The following HLCS variants were observed in gnomAD, a reference collection of about 807,000 sequenced individuals.
HLCS encodes the protein biotin--protein ligase.
A neutral mutation model predicts 75.0 loss-of-function variants in HLCS; 53 were observed. The observed-to-expected ratio is 0.71, with a 90% CI of 0.57 to 0.89. The LOEUF (loss-of-function observed/expected upper bound fraction) is 0.89. Ranked by LOEUF, HLCS falls within the 40% of genes least tolerant of loss-of-function variation. The probability of loss-of-function intolerance (pLI) is 0.00; values close to 1 mark genes in which losing one functional copy is unlikely to be tolerated. For synonymous variants in HLCS, 431 were observed against 428.6 expected, an observed-to-expected ratio of 1.01 and a Z score of -0.07; for missense variants, 966 against 1,074.0, an observed-to-expected ratio of 0.90 and a Z score of 1.41.
intron 6 of HLCS, among the ~76,000 whole-genome samples, chr21:36,868,056 C>T (rs2063619736): frequency 6.6e-6 from 1 of 151,882 alleles, no homozygotes; most frequent in African/African-American, 2.4e-5. Context: ...GAGGCTGAGG[C>T]AGGAGAATCG....
chr21:36,804,248 A>T (rs1601324185), intron 6 of HLCS: 1 of 152,338 alleles, frequency 6.6e-6, no homozygotes, highest in Non-Finnish European at 1.5e-5. Context: ...AGGTACGGTA[A>T]CTGCCACTCA....
At chr21:36,952,178 A>C (rs2067698197) in intron 2 of HLCS, among the ~76,000 whole-genome samples, 1 of 152,216 alleles carries the variant, frequency 6.6e-6, no homozygotes, top group Non-Finnish European at 1.5e-5. Context: ...ATGGCTGTGA[A>C]GTCAGGTAGA....
At chr21:36,793,669 G>A (rs1265363672) in intron 6 of HLCS, among the ~76,000 whole-genome samples, 2 of 152,084 alleles carry the variant, frequency 1.3e-5, no homozygotes. Context: ...AAGCTGGTAG[G>A]ATCAACTGTT....
At chr21:36,922,498 G>A (rs966751508) in intron 5 of HLCS, among the ~76,000 whole-genome samples, 3 of 152,174 alleles carry the variant, frequency 2.0e-5, no homozygotes, top group South Asian at 4.1e-4. Context: ...CTGGGGAGAC[G>A]CAGCCATACA....
intron 6 of HLCS, among the ~76,000 whole-genome samples, chr21:36,888,325 C>T (rs2146297515): frequency 6.6e-6 from 1 of 151,112 alleles, no homozygotes; most frequent in East Asian, 1.9e-4. Context: ...GGTAGGTGTG[C>T]ACAAAGCTGA....
rs757629874 is a variant in HLCS at position 36,962,156 on chromosome 21, C to A, written c.210G>T (p.Leu70Phe). Residue 70 changes from leucine to phenylalanine, a missense_variant, in exon 2 of 11, where the codon TTG becomes TTT. Coordinates refer to ENST00000674895, the MANE Select transcript of HLCS (RefSeq NM_001352514.2). ...CVSDSQSIEDLNKWALFLVSP... is the reference protein window; with the variant it reads ...CVSDSQSIEDFNKWALFLVSP... ...ACACAAGAAATAGGGCCCACTTGTTCAAGTCTTCAATGGACTGTATAGAGG... is the reference window on the plus strand; with the variant it reads ...ACACAAGAAATAGGGCCCACTTGTTAAAGTCTTCAATGGACTGTATAGAGG... The A allele has an allele frequency of 2.3e-6, 3 of 1,288,668 alleles. No individual in the cohort carries two copies. The South Asian group carries it at 3.7e-5, about 16-fold the overall frequency. The allele number at this position is 1,288,668 out of a possible 1,614,324, so 79.8% of individuals were successfully genotyped here. A position where few individuals can be genotyped will look rare whatever the true frequency, so the allele number is the denominator to read the frequency against.
At chr21:36,897,715 TTC>T (rs1447077064) in intron 5 of HLCS, among the ~76,000 whole-genome samples, 3 of 152,142 alleles carry the variant, frequency 2.0e-5, no homozygotes, top group East Asian at 1.9e-4. Flanking sequence ...CAAAGCTGCT[TTC>T]TGTTTGCCCC....
chr21:36,897,202 T>A, intron 5 of HLCS, 71 bp from the exon 6 acceptor site: 1 of 1,532,934 alleles, frequency 6.5e-7, no homozygotes, highest in Admixed American at 1.7e-5. Context: ...CTTTTCCTTA[T>A]AATGCCATTT....
intron 5 of HLCS, among the ~76,000 whole-genome samples, chr21:36,923,719 A>G (rs2066277915): frequency 6.6e-6 from 1 of 152,202 alleles, no homozygotes; most frequent in Non-Finnish European, 1.5e-5. Context: ...TTCCCACAAA[A>G]ATAAAACATT....
intron 1 of HLCS, among the ~76,000 whole-genome samples, chr21:36,983,761 C>T (rs8126800): frequency 0.12 from 17,670 of 151,010 alleles, 1,339 homozygotes; most frequent in South Asian, 0.22. Flanking sequence ...GGCGTGAACC[C>T]GGGAGGCAGA....
Position 36,770,853 on chromosome 21 carries a change from T to C in HLCS, c.1893-3568A>G, listed in dbSNP as rs192414720. Among the ~76,000 whole-genome samples the C allele has an allele frequency of 1.5e-3, 225 of 152,322 alleles. 1 individual carries two copies. The highest frequency in any genetic ancestry group is 1.2e-3 in the East Asian group (6 of 5,194). On this transcript the variant is annotated intron_variant, in intron 6 of 10. Coordinates refer to ENST00000674895, the MANE Select transcript of HLCS (RefSeq NM_001352514.2). ...AAAAAAGCATATTTTTACATTTAGA[T>C]ATAATATTGTAATTGACTATTCATA...
upstream of HLCS, among the ~76,000 whole-genome samples, chr21:36,971,036 A>G (rs1229573859): frequency 1.3e-5 from 2 of 151,886 alleles, no homozygotes; most frequent in Admixed American, 6.6e-5. Flanking sequence ...ATCTCTATTC[A>G]GTAACTTTAA....
Position 36,774,494 on chromosome 21 carries a change from G to A in HLCS, c.1893-7209C>T, listed in dbSNP as rs149536849. On this transcript the variant is annotated intron_variant, in intron 6 of 10. Transcript: ENST00000674895. ...TTTGCAAAGTGGTCCCTGTCATGTC[G>A]ATCCTAGAACTTCTTGCTGCCAGAA... 3.9e-5 allele frequency among the ~76,000 whole-genome samples: 6 copies of A among 152,256 alleles called. No individual in the cohort carries two copies. In the East Asian group the frequency reaches 5.8e-4, roughly 15 times the overall value.
chr21:36,902,430 C>A (rs1269318672), intron 5 of HLCS, among the ~76,000 whole-genome samples: 1 of 152,136 alleles, frequency 6.6e-6, no homozygotes, highest in Non-Finnish European at 1.5e-5. Flanking sequence ...CTCAGGTTCC[C>A]CTCTGCGGAC....
chr21:36,759,971 C>T (rs887462241), intron 8 of HLCS, 130 bp from the exon 9 acceptor site: 3 of 725,290 alleles, frequency 4.1e-6, no homozygotes, highest in Non-Finnish European at 5.1e-6. Flanking sequence ...TTTCAGGCAG[C>T]TAATCACTTC....
chr21:36,797,070 T>C (rs902356873), intron 6 of HLCS, among the ~76,000 whole-genome samples: 1 of 152,120 alleles, frequency 6.6e-6, no homozygotes, highest in Non-Finnish European at 1.5e-5. Flanking sequence ...TTTTACCATG[T>C]TGGCCAGGCG....
chr21:36,891,725 A>G (rs2064794578), intron 6 of HLCS, among the ~76,000 whole-genome samples: 1 of 152,220 alleles, frequency 6.6e-6, no homozygotes, highest in Non-Finnish European at 1.5e-5. Flanking sequence ...ATCAAGAGAA[A>G]TGATCTCCAA....
chr21:36,766,260 G>C (rs965664863), intron 7 of HLCS, among the ~76,000 whole-genome samples: 4 of 152,030 alleles, frequency 2.6e-5, no homozygotes, highest in African/African-American at 9.7e-5. Flanking sequence ...CTGGGCTCAA[G>C]TGATCTTCTG....
At chr21:36,848,270 TG>T (rs1010690233) in intron 6 of HLCS, among the ~76,000 whole-genome samples, 43 of 133,676 alleles carry the variant, frequency 3.2e-4, no homozygotes, top group African/African-American at 1.2e-3. Context: ...ACATAATTGT[TG>T]TTTTTTTTTT....
Sources: allele counts gnomAD v4.1 joint callset (sites outside exome capture counted in the v4.1 genomes callset), GRCh38; gene constraint gnomAD v4.1.1; transcripts MANE v1.5; gene names NCBI Gene and HGNC (gene_info 2026-07-23, HGNC 2026-07-21).